The following FYCO1 variants were observed in gnomAD, a reference collection of about 807,000 sequenced individuals.
FYCO1 encodes FYVE and coiled-coil domain autophagy adaptor 1.
A neutral mutation model predicts 165.1 loss-of-function variants in FYCO1; 122 were observed. The observed-to-expected ratio is 0.74, with a 90% CI of 0.64 to 0.86. The LOEUF is 0.86. FYCO1 is among the 40% of genes least tolerant of loss of function. The pLI is 0.00. For missense variants in FYCO1, 1,702 were observed against 1,810.3 expected, an observed-to-expected ratio of 0.94 and a Z score of 1.09; for synonymous variants, 648 against 742.5, an observed-to-expected ratio of 0.87 and a Z score of 2.07.
intron 1 of FYCO1, among the ~76,000 whole-genome samples, chr3:45,992,029 G>C (rs892232788): frequency 2.0e-5 from 3 of 152,216 alleles, no homozygotes; most frequent in Non-Finnish European, 4.4e-5. Context: ...GAGAGCCAAG[G>C]AGAGAGGCCT....
rs1002232741 is a variant in FYCO1 at position 45,988,547 on chromosome 3, T to A, written c.-112-3525A>T. Among the ~76,000 whole-genome samples the A allele has an allele frequency of 2.0e-5, 3 of 152,306 alleles. No individual in the cohort carries two copies. The East Asian group carries it at 5.8e-4, about 29-fold the overall frequency. Reference sequence around the variant, plus strand: ...GTAAGGACTCCAGGACTCACACACCTCACAGGGCCCCCAGTGTGCCAATCA... The same window carrying A: ...GTAAGGACTCCAGGACTCACACACCACACAGGGCCCCCAGTGTGCCAATCA... On this transcript the variant is annotated intron_variant, in intron 1 of 17. Coordinates refer to ENST00000296137, the MANE Select transcript of FYCO1 (RefSeq NM_024513.4).
Position 45,959,406 on chromosome 3 carries a change from G to A in FYCO1, c.3574C>T (p.Arg1192Trp), listed in dbSNP as rs1346321563. ...CKREFSWMVR[R>W]HHCRICGRIF... ...CTCCCTGCTGACCTGCAGTGGTGCC[G>A]CCGCACCATCCAGCTGAACTCCCGC... The change falls in exon 12 of 18, where the codon CGG (arginine) becomes TGG (tryptophan). Residue 1192 changes from arginine to tryptophan, a missense_variant. Arg to Trp is a moderately radical substitution (Grantham distance 101). Coordinates refer to ENST00000296137, the MANE Select transcript of FYCO1 (RefSeq NM_024513.4). 9.3e-6 allele frequency: 15 copies of A among 1,613,806 alleles called. No homozygotes were observed. The highest frequency in any genetic ancestry group is 1.7e-5 in the Admixed American group (1 of 59,998).
rs962805897 is a variant in FYCO1, at chr3:45,962,277, C to T, written c.3385G>A (p.Asp1129Asn). 6.2e-7 allele frequency: 1 copy of T among 1,614,226 alleles called. No individual in the cohort carries two copies. The highest frequency in any genetic ancestry group is 1.3e-5 in the African/African-American group (1 of 75,062). The change falls in exon 11 of 18, where the codon GAC becomes AAC. Residue 1129 changes from aspartate (D) to asparagine (N), a missense_variant. Transcript: ENST00000296137. The surrounding 1 kb of genome is among the most constrained non-coding windows in gnomAD (Gnocchi z 4.4). ...AGATACTTCTTGGTTCTGTTGAGGTCATCCAGGTCAGCAAGCATCTTCTGG... is the reference window on the plus strand; with the variant it reads ...AGATACTTCTTGGTTCTGTTGAGGTTATCCAGGTCAGCAAGCATCTTCTGG... ...NDQKMLADLD[D>N]LNRTKKYLEE...
At chr3:45,984,796 A>T in intron 2 of FYCO1, 60 bp downstream of exon 2, 1 of 1,568,114 alleles carries the variant, frequency 6.4e-7, no homozygotes, top group Middle Eastern at 1.7e-4. Context: ...TGGCAACAGC[A>T]AAAAGCCCTG....
At position 45,967,751 on chromosome 3, in the gene FYCO1, T is replaced by C. The variant is rs1706163920; in HGVS notation, c.1583A>G (p.His528Arg). 6.2e-7 allele frequency: 1 copy of C among 1,613,380 alleles called. No individual in the cohort carries two copies. Among genetic ancestry groups the C allele is most frequent in the Non-Finnish European group, 8.5e-7 (1 of 1,180,048 alleles). ...LETQLAQVSQ[H>R]VSDLEEQKKQ... The stretch of plus-strand genomic sequence containing the variant: ...CTTCTGCTCCTCCAGGTCACTCACA[T>C]GTTGGCTCACCTGTGCCAGCTGGGT... Residue 528 changes from histidine to arginine, a missense_variant, in exon 8 of 18, where the codon CAT (histidine) becomes CGT (arginine). By Grantham distance (29) the His-to-Arg change is conservative (BLOSUM62 0). Coordinates refer to ENST00000296137, the MANE Select transcript of FYCO1 (RefSeq NM_024513.4).
intron 1 of FYCO1, among the ~76,000 whole-genome samples, chr3:45,992,477 G>T (rs1707607205): frequency 6.6e-6 from 1 of 152,196 alleles, no homozygotes; most frequent in African/African-American, 2.4e-5. Flanking sequence ...TTTGGAATCA[G>T]ACTAGTTACG....
chr3:45,942,300 C>T (rs536426200), intron 14 of FYCO1, among the ~76,000 whole-genome samples: 2 of 152,308 alleles, frequency 1.3e-5, no homozygotes, highest in East Asian at 1.9e-4. Context: ...CCTATCTGTA[C>T]GTGACTAGGA....
intron 14 of FYCO1, chr3:45,946,918 C>G (rs769793295): frequency 1.2e-6 from 2 of 1,614,214 alleles, no homozygotes; most frequent in Non-Finnish European, 1.7e-6. Context: ...AAGAGGATGA[C>G]CTGGGGCAAG....
chr3:45,981,261 G>A (rs1249052875), intron 3 of FYCO1, among the ~76,000 whole-genome samples: 1 of 152,140 alleles, frequency 6.6e-6, no homozygotes, highest in African/African-American at 2.4e-5. Context: ...CTCCCAAAGG[G>A]GTATGTAACT....
At chr3:45,980,877 C>T (rs1047341180) in intron 3 of FYCO1, among the ~76,000 whole-genome samples, 4 of 152,188 alleles carry the variant, frequency 2.6e-5, no homozygotes, top group African/African-American at 9.7e-5. Context: ...ACTTCTACAG[C>T]ATTTCTTTCC....
Position 45,967,588 on chromosome 3 carries a change from T to C in FYCO1, c.1746A>G (p.Gln582=), listed in dbSNP as rs370730054. The C allele has an allele frequency of 1.2e-6, 2 of 1,614,014 alleles. No homozygotes were observed. Among genetic ancestry groups the C allele is most frequent in the African/African-American group, 2.7e-5 (2 of 74,930 alleles). ...EALVPVNSSL[Q]EAWGKPEEEQ... ...CCTCCTCTGGCTTCCCCCAGGCCTC[T>C]TGCAGACTGGAGTTCACAGGGACCA... The change falls in exon 8 of 18, where the codon CAA becomes CAG. Residue 582 remains glutamine (Q), a synonymous_variant. Transcript: ENST00000296137.
rs1294204852 is a variant in FYCO1, at chr3:45,981,575, G to A, written c.157C>T (p.Leu53=). 2 of 1,590,874 alleles carry A rather than the reference G, an allele frequency of 1.3e-6. No homozygotes were observed. The highest frequency in any genetic ancestry group is 1.7e-6 in the Non-Finnish European group (2 of 1,158,950). ...HKFSYKLEYL[L]QFDQKEKATL... ...ACATTACAGGCATCACTTACTTGCA[G>A]GAGATACTCAAGTTTATAAGAAAAT... The change falls in exon 3 of 18, where the codon CTG becomes TTG. Residue 53 remains leucine, a synonymous_variant. Coordinates refer to ENST00000296137, the MANE Select transcript of FYCO1 (RefSeq NM_024513.4).
At chr3:45,952,593 C>T (rs531638959) in intron 14 of FYCO1, among the ~76,000 whole-genome samples, 5 of 152,352 alleles carry the variant, frequency 3.3e-5, no homozygotes, top group South Asian at 4.1e-4. Flanking sequence ...GACCAGCACA[C>T]TGGCAGTTTC....
Position 45,920,571 on chromosome 3 carries a change from T to C in FYCO1, c.*1194A>G, listed in dbSNP as rs1703056060. 1 of 152,344 alleles carries C rather than the reference T, an allele frequency of 6.6e-6. No individual in the cohort carries two copies. The highest frequency in any genetic ancestry group is 1.5e-5 in the Non-Finnish European group (1 of 68,060). 9.4% of individuals were successfully genotyped at this position (152,344 alleles called of 1,614,324 possible). A position where few individuals can be genotyped will look rare whatever the true frequency, so the allele number is the denominator to read the frequency against. On this transcript the variant is annotated 3_prime_UTR_variant, in exon 18 of 18. Transcript: ENST00000296137. ...ACCACAGAGAACAGGGAAGATTAAATAATTCTTGTCTGGGAATAGGGAACA... is the reference window on the plus strand; with the variant it reads ...ACCACAGAGAACAGGGAAGATTAAACAATTCTTGTCTGGGAATAGGGAACA...
chr3:45,940,015 G>A (rs972574407), intron 14 of FYCO1, among the ~76,000 whole-genome samples: 4 of 152,216 alleles, frequency 2.6e-5, no homozygotes, highest in Non-Finnish European at 5.9e-5. Flanking sequence ...AGGTTTGGAA[G>A]GTTGGGCTGA....
chr3:45,964,608 C>T lies in FYCO1; in HGVS notation c.3151-154G>A. 2 of 952,446 alleles carry T rather than the reference C, an allele frequency of 2.1e-6. No individual in the cohort carries two copies. Among genetic ancestry groups the T allele is most frequent in the Non-Finnish European group, 2.5e-6 (2 of 799,860 alleles). 59.0% of individuals were successfully genotyped at this position (952,446 alleles called of 1,614,324 possible). A position where few individuals can be genotyped will look rare whatever the true frequency, so the allele number is the denominator to read the frequency against. On this transcript the variant is annotated intron_variant, in intron 9 of 17. Transcript: ENST00000296137. The surrounding 1 kb of genome is among the most constrained non-coding windows in gnomAD (Gnocchi z 4.1). The stretch of plus-strand genomic sequence containing the variant: ...GTTCAAGAGGCCATGAACCTCTGCT[C>T]TATATTTGTGGGGCCTCAACTGCAA...
intron 3 of FYCO1, among the ~76,000 whole-genome samples, chr3:45,980,343 C>T (rs952690568): frequency 3.0e-5 from 4 of 134,874 alleles, no homozygotes; most frequent in African/African-American, 1.0e-4. Context: ...GAGTGAAACT[C>T]TGTCTCAAAG....
Position 45,936,495 on chromosome 3 carries a change from G to C in FYCO1, c.3993C>G (p.Pro1331=), listed in dbSNP as rs752606656. The C allele has an allele frequency of 6.2e-7, 1 of 1,613,986 alleles. No individual in the cohort carries two copies. The highest frequency in any genetic ancestry group is 8.5e-7 in the Non-Finnish European group (1 of 1,179,866). The change falls in exon 15 of 18, where the codon CCC becomes CCG. Residue 1331 remains proline, a synonymous_variant. Transcript: ENST00000296137. The part of the protein sequence containing the change: ...SLTPEDTEDM[P]VGQDSEICLL... ...GGCAGATTTCCGAATCCTGCCCCACGGGCATGTCTTCAGTGTCCTCAGGCG... is the reference window on the plus strand; with the variant it reads ...GGCAGATTTCCGAATCCTGCCCCACCGGCATGTCTTCAGTGTCCTCAGGCG...
intron 4 of FYCO1, among the ~76,000 whole-genome samples, chr3:45,976,242 G>A (rs376922094): frequency 2.6e-5 from 4 of 151,876 alleles, no homozygotes; most frequent in African/African-American, 4.9e-5. Context: ...AGATGTGACC[G>A]TAACTGTTTG....
Sources: allele counts gnomAD v4.1 joint callset (sites outside exome capture counted in the v4.1 genomes callset), GRCh38; gene constraint gnomAD v4.1.1; non-coding constraint Gnocchi (gnomAD v3.1); transcripts MANE v1.5; gene names NCBI Gene and HGNC (gene_info 2026-07-23, HGNC 2026-07-21).